The following NBEA variants were observed in gnomAD, a reference collection of about 807,000 sequenced individuals.
NBEA encodes the protein neurobeachin, also known as lysosomal-trafficking regulator 2.
Under a neutral mutation model 343.4 loss-of-function variants are expected in NBEA, and 44 were observed. The observed-to-expected ratio is 0.13, with a 90% CI of 0.10 to 0.16. The LOEUF (loss-of-function observed/expected upper bound fraction) is 0.16, where lower values mean the gene tolerates loss of function less well. NBEA is among the 10% of genes least tolerant of loss of function. The pLI, the probability that NBEA is intolerant of heterozygous loss-of-function variation, is 1.00. For missense variants in NBEA, 2,555 were observed against 3,631.3 expected, an observed-to-expected ratio of 0.70 and a Z score of 7.62; for synonymous variants, 1,175 against 1,238.7, an observed-to-expected ratio of 0.95 and a Z score of 1.08.
intron 33 of NBEA, among the ~76,000 whole-genome samples, chr13:35,219,483 GGT>G (rs925777321): frequency 5.3e-5 from 8 of 152,074 alleles, no homozygotes; most frequent in Non-Finnish European, 1.0e-4. Context: ...CAAGTTTTTA[GGT>G]GTGTTAGTCA....
intron 34 of NBEA, among the ~76,000 whole-genome samples, chr13:35,282,495 A>T (rs117425131): frequency 0.036 from 5,413 of 152,274 alleles, 142 homozygotes; most frequent in Non-Finnish European, 0.054. Context: ...GAAATAAAGA[A>T]AGTTGATGCA....
chr13:35,162,766 A>G (rs2069668560), intron 23 of NBEA, among the ~76,000 whole-genome samples: 1 of 152,156 alleles, frequency 6.6e-6, no homozygotes, highest in African/African-American at 2.4e-5. Context: ...TTAATTAACT[A>G]GTAACTAGGG....
At chr13:35,285,348 A>C (rs761585082) in intron 34 of NBEA, among the ~76,000 whole-genome samples, 16 of 152,162 alleles carry the variant, frequency 1.1e-4, no homozygotes, top group Non-Finnish European at 2.2e-4. Context: ...AAAGATTAAA[A>C]ATCATTAGAA....
intron 17 of NBEA, among the ~76,000 whole-genome samples, chr13:35,136,355 A>G (rs2067727822): frequency 6.6e-6 from 1 of 152,154 alleles, no homozygotes; most frequent in Admixed American, 6.6e-5. Context: ...AACAAGGAGA[A>G]TGAACTGAGA....
intron 48 of NBEA, among the ~76,000 whole-genome samples, chr13:35,624,626 C>A (rs1022415434): frequency 2.6e-5 from 4 of 151,652 alleles, no homozygotes; most frequent in Admixed American, 2.6e-4. Flanking sequence ...TAAATTCTAG[C>A]ACATATTGAG....
At chr13:35,351,148 A>G (rs77424151) in intron 37 of NBEA, among the ~76,000 whole-genome samples, 93 of 152,126 alleles carry the variant, frequency 6.1e-4, no homozygotes, top group African/African-American at 2.2e-3. Context: ...GTGTATATCA[A>G]TAGATAAATG....
intron 1 of NBEA, among the ~76,000 whole-genome samples, chr13:34,950,089 T>G (rs1297501795): frequency 2.6e-5 from 4 of 152,178 alleles, no homozygotes; most frequent in Non-Finnish European, 2.9e-5. Flanking sequence ...CATTCTTGAT[T>G]TTTATGGTCT....
intron 38 of NBEA, among the ~76,000 whole-genome samples, chr13:35,420,974 G>T (rs1250766181): frequency 6.6e-6 from 1 of 151,290 alleles, no homozygotes. Context: ...TTTCTCTGTT[G>T]TTTTTCTGTT....
intron 31 of NBEA, among the ~76,000 whole-genome samples, chr13:35,204,075 TAAAC>T (rs1338048576): frequency 6.6e-6 from 1 of 152,154 alleles, no homozygotes; most frequent in Non-Finnish European, 1.5e-5. Flanking sequence ...AGTGGGCAAG[TAAAC>T]AAAGCTTCAT....
At chr13:35,408,159 A>T (rs7337665) in intron 38 of NBEA, among the ~76,000 whole-genome samples, 1 of 151,946 alleles carries the variant, frequency 6.6e-6, no homozygotes, top group Admixed American at 6.6e-5. Context: ...ACAAAAACAG[A>T]CACATAGACC....
At chr13:35,333,012 C>T (rs997842743) in intron 36 of NBEA, among the ~76,000 whole-genome samples, 2 of 152,104 alleles carry the variant, frequency 1.3e-5, no homozygotes, top group African/African-American at 4.8e-5. Flanking sequence ...AGCAGAGAAT[C>T]TAGCCTGGAA....
chr13:35,190,320 A>G (rs2072087467), intron 30 of NBEA, among the ~76,000 whole-genome samples: 1 of 152,164 alleles, frequency 6.6e-6, no homozygotes, highest in African/African-American at 2.4e-5. Context: ...TGAGATATCC[A>G]TATTCCCAGG....
chr13:35,661,064 G>C (rs1185574198), intron 55 of NBEA, among the ~76,000 whole-genome samples: 7 of 152,176 alleles, frequency 4.6e-5, no homozygotes, highest in Non-Finnish European at 1.0e-4. Context: ...AGACTGAGAA[G>C]GGAGCTGCTT....
chr13:35,091,039 C>T (rs1013919737), intron 10 of NBEA, among the ~76,000 whole-genome samples: 2 of 151,876 alleles, frequency 1.3e-5, no homozygotes, highest in Admixed American at 1.3e-4. Context: ...TTCTGAGTGC[C>T]CTGTTAATTT....
chr13:35,030,103 C>T (rs1300424147), intron 1 of NBEA, among the ~76,000 whole-genome samples: 3 of 151,630 alleles, frequency 2.0e-5, no homozygotes, highest in East Asian at 1.9e-4. Context: ...CACATCTTTT[C>T]GAAGAACAGA....
In NBEA at chr13:35,159,087, C is replaced by T. The variant is rs2069379707; in HGVS notation, c.2916C>T (p.Asn972=). ...AATATCAAAGACAAGAGGAGGAAAA[C>T]ATTAAAAAGGGAAAGAAAGGGAATG... The part of the protein sequence containing the change: ...YEEYQRQEEE[N]IKKGKKGNVS... Residue 972 remains asparagine (N), a synonymous_variant, in exon 22 of 59, where the codon AAC becomes AAT. Transcript: ENST00000379939. 6.2e-7 allele frequency: 1 copy of T among 1,613,152 alleles called. No individual in the cohort carries two copies. The highest frequency in any genetic ancestry group is 1.3e-5 in the African/African-American group (1 of 74,936).
intron 22 of NBEA, 44 bp from the exon 23 acceptor site, chr13:35,161,706 C>A: frequency 6.9e-7 from 1 of 1,448,722 alleles, no homozygotes; most frequent in South Asian, 1.2e-5. Flanking sequence ...TAAAATGAGG[C>A]ATTTCTTTTG....
At chr13:35,043,134 A>AT in intron 2 of NBEA, among the ~76,000 whole-genome samples, 1 of 151,534 alleles carries the variant, frequency 6.6e-6, no homozygotes. Flanking sequence ...AGTAATTCGT[A>AT]TTTTTTCTCT....
At chr13:35,098,162 A>C (rs546432520) in intron 10 of NBEA, 135 bp from the exon 11 acceptor site, 1 of 587,028 alleles carries the variant, frequency 1.7e-6, no homozygotes, top group Non-Finnish European at 3.0e-6. Flanking sequence ...AATATAAGGC[A>C]TAATAGTCAT....
Sources: gnomAD v4.1 joint callset for allele counts (sites outside exome capture counted in the v4.1 genomes callset) on GRCh38, gnomAD v4.1.1 for gene constraint, MANE v1.5 for transcripts, NCBI Gene and HGNC (gene_info 2026-07-23, HGNC 2026-07-21) for gene names.